Variants in TBC1D9 observed in about 807,000 individuals in gnomAD.
The protein encoded by TBC1D9 is TBC1 domain family member 9.
A neutral mutation model predicts 132.0 loss-of-function variants in TBC1D9; 63 were observed. The ratio of observed to expected loss-of-function variants is 0.48; its 90% confidence interval spans 0.39 to 0.59. The LOEUF is 0.59. Ranked by LOEUF, TBC1D9 falls within the 20% of genes least tolerant of loss-of-function variation. The probability of loss-of-function intolerance (pLI) is 0.00; values close to 1 mark genes in which losing one functional copy is unlikely to be tolerated. For missense variants in TBC1D9, 1,261 were observed against 1,592.7 expected, an observed-to-expected ratio of 0.79 and a Z score of 3.54; for synonymous variants, 610 against 609.9, an observed-to-expected ratio of 1.00 and a Z score of 0.00.
In TBC1D9 at chr4:140,701,547, C is replaced by G. The variant is rs777405651; in HGVS notation, c.198G>C (p.Leu66Phe). 6.2e-7 allele frequency: 1 copy of G among 1,613,818 alleles called. No homozygotes were observed. The highest frequency in any genetic ancestry group is 2.2e-5 in the East Asian group (1 of 44,884). The change falls in exon 2 of 21, where the codon TTG (leucine) becomes TTC (phenylalanine). Residue 66 changes from leucine to phenylalanine, a missense_variant. Physicochemically the swap from Leu to Phe is conservative, Grantham distance 22. Coordinates refer to ENST00000442267, the MANE Select transcript of TBC1D9 (RefSeq NM_015130.3). Reference sequence around the variant, plus strand: ...AGACCAGGGAGTCTGGAGTCTGGTACAAGATTCGGTAAGGAGCGACCCGGG... The same window carrying G: ...AGACCAGGGAGTCTGGAGTCTGGTAGAAGATTCGGTAAGGAGCGACCCGGG... The part of the protein sequence containing the change: ...SSARVAPYRI[L>F]YQTPDSLVYW...
chr4:140,685,894 A>T (rs994067151), intron 3 of TBC1D9, among the ~76,000 whole-genome samples: 1 of 152,090 alleles, frequency 6.6e-6, no homozygotes, highest in African/African-American at 2.4e-5. Context: ...TTACAGTTAG[A>T]AGAAATAAGT....
intron 13 of TBC1D9, chr4:140,645,154 G>A (rs1471584501): frequency 3.6e-6 from 2 of 561,296 alleles, no homozygotes; most frequent in Non-Finnish European, 6.8e-6. Flanking sequence ...AGGTCAGCCA[G>A]CTCATTACTC....
chr4:140,709,762 T>C (rs1738209943), intron 1 of TBC1D9, among the ~76,000 whole-genome samples: 5 of 152,096 alleles, frequency 3.3e-5, no homozygotes, highest in Admixed American at 3.3e-4. Flanking sequence ...ATGAAACTGT[T>C]CCACCTCAGA....
At chr4:140,696,540 C>T (rs188476564) in intron 2 of TBC1D9, among the ~76,000 whole-genome samples, 6 of 152,022 alleles carry the variant, frequency 3.9e-5, no homozygotes, top group Admixed American at 3.3e-4. Flanking sequence ...ACCTCCACCC[C>T]GCTTTCTATA....
chr4:140,643,462 G>C, intron 13 of TBC1D9: 1 of 906,908 alleles, frequency 1.1e-6, no homozygotes, highest in Non-Finnish European at 1.8e-6. Context: ...GCCTCTTCCA[G>C]GTAGCAGGTG....
Position 140,703,378 on chromosome 4 carries a change from G to A in TBC1D9, c.131-1764C>T, listed in dbSNP as rs151031118. On this transcript the variant is annotated intron_variant, in intron 1 of 20. Coordinates refer to ENST00000442267, the MANE Select transcript of TBC1D9 (RefSeq NM_015130.3). Reference sequence around the variant, plus strand: ...AGACCCTGATATGCACAATGCCACTGAAATTCACTTCCCACTGCTCTGGCA... The same window carrying A: ...AGACCCTGATATGCACAATGCCACTAAAATTCACTTCCCACTGCTCTGGCA... Among the ~76,000 whole-genome samples, 830 of 152,318 alleles carry A rather than the reference G, an allele frequency of 5.4e-3. 23 individuals carry two copies. The highest frequency in any genetic ancestry group is 0.048 in the Admixed American group (741 of 15,294).
intron 2 of TBC1D9, among the ~76,000 whole-genome samples, chr4:140,690,085 C>A: frequency 6.6e-6 from 1 of 151,828 alleles, no homozygotes; most frequent in Non-Finnish European, 1.5e-5. Context: ...ATATGTACAT[C>A]CCCACCACAC....
chr4:140,669,293 T>C (rs1418330747), intron 8 of TBC1D9, among the ~76,000 whole-genome samples: 2 of 152,158 alleles, frequency 1.3e-5, no homozygotes, highest in African/African-American at 2.4e-5. Flanking sequence ...AGAATCCTAC[T>C]TACCTGAGAT....
At chr4:140,641,851 C>G (rs1737002475) in intron 13 of TBC1D9, 4 of 330,374 alleles carry the variant, frequency 1.2e-5, no homozygotes, top group Non-Finnish European at 2.3e-5. Context: ...CACGGGCCTC[C>G]TCACCCCCCA....
chr4:140,622,235 G>C lies in TBC1D9; in HGVS notation c.3761C>G (p.Thr1254Ser), dbSNP rs371556899. The C allele has an allele frequency of 9.6e-5, 154 of 1,596,102 alleles. No individual in the cohort carries two copies. The highest frequency in any genetic ancestry group is 1.3e-4 in the Non-Finnish European group (149 of 1,165,058). The stretch of plus-strand genomic sequence containing the variant: ...CGAGATTTCATAGTCACTGGCCGAG[G>C]TGAGGGGCTTGCCCATCATCCGGAT... ...KNIRMMGKPL[T>S]SASDYEISAM... is the part of the protein sequence containing the mutation. The change falls in exon 21 of 21, where the codon ACC becomes AGC. Residue 1254 changes from threonine to serine, a missense_variant. Around this residue, in one of 3 missense-constraint regions of TBC1D9, gnomAD observed 618 missense variants for 724.4 expected, o/e 0.85. Transcript: ENST00000442267.
At chr4:140,753,254 T>C (rs1232302830) in intron 1 of TBC1D9, among the ~76,000 whole-genome samples, 4 of 151,978 alleles carry the variant, frequency 2.6e-5, no homozygotes, top group African/African-American at 9.6e-5. Flanking sequence ...TCCAGCTAGA[T>C]TCTTTTTTTT....
intron 13 of TBC1D9, among the ~76,000 whole-genome samples, chr4:140,652,929 G>A (rs1737209422): frequency 6.6e-6 from 1 of 152,166 alleles, no homozygotes; most frequent in South Asian, 2.1e-4. Context: ...CGAACATGAA[G>A]CAGCTCTGTG....
At position 140,682,764 on chromosome 4, in the gene TBC1D9, G is replaced by A. The variant is rs144613167; in HGVS notation, c.361-2921C>T. ...TATTCTCCTGGGTCACTGTAGTAGC[G>A]CTCTTACCTAAAGTCAAAATGAGGA... On this transcript the variant is annotated intron_variant, in intron 3 of 20. Coordinates refer to ENST00000442267, the MANE Select transcript of TBC1D9 (RefSeq NM_015130.3). Among the ~76,000 whole-genome samples, 538 of 152,240 alleles carry A rather than the reference G, an allele frequency of 3.5e-3. 2 individuals carry two copies. The highest frequency in any genetic ancestry group is 5.6e-3 in the Non-Finnish European group (383 of 68,016).
At chr4:140,718,675 C>T (rs1258260555) in intron 1 of TBC1D9, among the ~76,000 whole-genome samples, 1 of 152,182 alleles carries the variant, frequency 6.6e-6, no homozygotes, top group South Asian at 2.1e-4. Context: ...TCCGAAAGAG[C>T]ACCCAGCAGT....
In TBC1D9 at chr4:140,627,469, AAAG is replaced by A. The variant is rs1736727124; in HGVS notation, c.2868_2870del (p.Phe957del). 1.2e-6 allele frequency: 2 copies of A among 1,610,684 alleles called. No homozygotes were observed. The highest frequency in any genetic ancestry group is 4.5e-5 in the East Asian group (2 of 44,862). ...GTGTACATTCTGGGGTAATATCTTC[AAAG>A]AAGTACTGAGTTGCTTCAAAAGCAG... On this transcript the variant is annotated inframe_deletion, in exon 18 of 21. Coordinates refer to ENST00000442267, the MANE Select transcript of TBC1D9 (RefSeq NM_015130.3).
chr4:140,634,800 G>A (rs1293723498), intron 15 of TBC1D9, among the ~76,000 whole-genome samples: 1 of 152,144 alleles, frequency 6.6e-6, no homozygotes, highest in Non-Finnish European at 1.5e-5. Flanking sequence ...ACCTACAAGT[G>A]TGTGGTCATC....
At chr4:140,734,970 C>G (rs1738650896) in intron 1 of TBC1D9, among the ~76,000 whole-genome samples, 1 of 152,222 alleles carries the variant, frequency 6.6e-6, no homozygotes, top group East Asian at 1.9e-4. Flanking sequence ...TAGCAGACAC[C>G]ACTGCTGGGT....
At chr4:140,627,554 C>G in intron 17 of TBC1D9, 27 bp from the exon 18 acceptor site, 1 of 1,403,192 alleles carries the variant, frequency 7.1e-7, no homozygotes, top group Admixed American at 1.8e-5. Flanking sequence ...ACATAGTTCT[C>G]ATATTGGTAG....
chr4:140,647,626 C>T (rs1737122592), intron 13 of TBC1D9, among the ~76,000 whole-genome samples: 1 of 152,114 alleles, frequency 6.6e-6, no homozygotes, highest in South Asian at 2.1e-4. Flanking sequence ...TGCAGGGTGC[C>T]AAGCAAAAGA....
Sources: allele counts gnomAD v4.1 joint callset (sites outside exome capture counted in the v4.1 genomes callset), GRCh38; gene constraint gnomAD v4.1.1; regional missense constraint gnomAD v4.1.1; transcripts MANE v1.5; gene names NCBI Gene and HGNC (gene_info 2026-07-23, HGNC 2026-07-21).